The following PPARG variants were observed in gnomAD, a reference collection of about 807,000 sequenced individuals.
PPARG encodes the protein peroxisome proliferator-activated receptor gamma.
PPARG carries 17 observed loss-of-function variants against 39.2 expected under a neutral mutation model. The observed-to-expected ratio is 0.43, with a 90% CI of 0.30 to 0.65. The LOEUF is 0.65. Among genes scored for constraint, PPARG ranks in the 30% least tolerant of loss-of-function variants. PPARG has a pLI of 0.13. For synonymous variants in PPARG, 223 were observed against 215.7 expected (o/e 1.03, Z -0.30); for missense variants, 406 against 585.9 (o/e 0.69, Z 3.17).
At chr3:12,367,334 T>C (rs1383804440) in intron 2 of PPARG, among the ~76,000 whole-genome samples, 1 of 152,204 alleles carries the variant, frequency 6.6e-6, no homozygotes, top group Admixed American at 6.5e-5. Flanking sequence ...AATCAGATTA[T>C]TAGTAATATC....
At chr3:12,364,166 C>T (rs529437808) in intron 2 of PPARG, among the ~76,000 whole-genome samples, 1 of 152,308 alleles carries the variant, frequency 6.6e-6, no homozygotes, top group Admixed American at 6.5e-5. Flanking sequence ...TAGTGTCATA[C>T]AGAATATTTT....
chr3:12,415,686 C>CT (rs1184429211), intron 6 of PPARG, among the ~76,000 whole-genome samples: 1 of 152,100 alleles, frequency 6.6e-6, no homozygotes, highest in Non-Finnish European at 1.5e-5. Flanking sequence ...TTCAAAATTG[C>CT]TTTTTTGCAG....
At chr3:12,431,639 A>G (rs1462751214) in intron 7 of PPARG, among the ~76,000 whole-genome samples, 1 of 152,200 alleles carries the variant, frequency 6.6e-6, no homozygotes, top group African/African-American at 2.4e-5. Context: ...GAGAGAATGC[A>G]CAAATAAAGA....
chr3:12,297,156 G>A (rs555659194), intron 1 of PPARG, among the ~76,000 whole-genome samples: 2 of 152,284 alleles, frequency 1.3e-5, no homozygotes, highest in East Asian at 3.9e-4. Flanking sequence ...ATATCCAACA[G>A]TAGGGAGATG....
At chr3:12,311,023 C>G (rs983220349) in intron 1 of PPARG, among the ~76,000 whole-genome samples, 1 of 152,144 alleles carries the variant, frequency 6.6e-6, no homozygotes, top group African/African-American at 2.4e-5. Context: ...CACACTGACA[C>G]ATTAGCTCTT....
At chr3:12,367,687 A>G (rs2049060854) in intron 2 of PPARG, among the ~76,000 whole-genome samples, 1 of 149,222 alleles carries the variant, frequency 6.7e-6, no homozygotes, top group South Asian at 2.1e-4. Flanking sequence ...TGCCTCTACA[A>G]AAAAAAAAAT....
chr3:12,368,010 T>A (rs1287763671), intron 2 of PPARG, among the ~76,000 whole-genome samples: 2 of 152,040 alleles, frequency 1.3e-5, no homozygotes, highest in African/African-American at 4.8e-5. Flanking sequence ...AAGATACATA[T>A]TGGAATGTTT....
rs147669699 is a variant in PPARG at position 12,330,977 on chromosome 3, C to G, written c.-9+18524C>G. ...AAAGGTCATTAGAAAGCCCACATTT[C>G]ACAATACAAGGACATTTTCCTGGAA... On this transcript the variant is annotated intron_variant, in intron 2 of 7. Coordinates refer to ENST00000651735, the MANE Select transcript of PPARG (RefSeq NM_138711.6). 3.3e-5 allele frequency among the ~76,000 whole-genome samples: 5 copies of G among 152,298 alleles called. No individual in the cohort carries two copies. In the East Asian group the frequency reaches 9.6e-4, roughly 29 times the overall value.
chr3:12,308,833 T>C (rs1260219136), intron 1 of PPARG, among the ~76,000 whole-genome samples: 1 of 152,196 alleles, frequency 6.6e-6, no homozygotes, highest in Non-Finnish European at 1.5e-5. Context: ...CTAATGGATT[T>C]AGCAAGAAGG....
At chr3:12,329,086 G>A (rs541388130) in intron 2 of PPARG, among the ~76,000 whole-genome samples, 6 of 150,696 alleles carry the variant, frequency 4.0e-5, no homozygotes, top group Non-Finnish European at 8.8e-5. Flanking sequence ...TTTGTTGCAA[G>A]CCAGTTGTTA....
intron 2 of PPARG, among the ~76,000 whole-genome samples, chr3:12,378,111 GAAGAT>G: frequency 6.6e-6 from 1 of 152,166 alleles, no homozygotes; most frequent in Non-Finnish European, 1.5e-5. Flanking sequence ...CAAAAACACA[GAAGAT>G]AAGAAGTGTT....
intron 2 of PPARG, among the ~76,000 whole-genome samples, chr3:12,358,380 C>T (rs566483229): frequency 7.9e-5 from 12 of 152,308 alleles, no homozygotes; most frequent in East Asian, 1.9e-4. Flanking sequence ...GTGCCAAACA[C>T]GTCAGTTCTG....
At chr3:12,426,863 G>T (rs1199629493) in intron 7 of PPARG, among the ~76,000 whole-genome samples, 13 of 152,144 alleles carry the variant, frequency 8.5e-5, no homozygotes, top group African/African-American at 2.9e-4. Context: ...CTTGCCCAAG[G>T]TTACCTAGCT....
chr3:12,360,301 A>G (rs1022068433), intron 2 of PPARG, among the ~76,000 whole-genome samples: 5 of 152,140 alleles, frequency 3.3e-5, no homozygotes, highest in African/African-American at 1.2e-4. Context: ...GTGAGCCACC[A>G]TGGCTGGCCT....
chr3:12,322,792 T>TTTTG (rs531754367), intron 2 of PPARG, among the ~76,000 whole-genome samples: 46 of 152,102 alleles, frequency 3.0e-4, no homozygotes, highest in Middle Eastern at 6.8e-3. Flanking sequence ...AGTTGGGTTT[T>TTTTG]TTTGTTTGTT....
chr3:12,399,286 TG>T, intron 5 of PPARG: 1 of 449,604 alleles, frequency 2.2e-6, no homozygotes, highest in Non-Finnish European at 4.5e-6. Flanking sequence ...GTGTGAAAAA[TG>T]GTACCTCTGC....
intron 2 of PPARG, among the ~76,000 whole-genome samples, chr3:12,337,008 A>G (rs1442030552): frequency 6.6e-6 from 1 of 152,218 alleles, no homozygotes; most frequent in Non-Finnish European, 1.5e-5. Context: ...TTATAAATGA[A>G]CTAGAAGGCA....
intron 2 of PPARG, among the ~76,000 whole-genome samples, chr3:12,317,070 C>T (rs2047408840): frequency 6.6e-6 from 1 of 152,134 alleles, no homozygotes; most frequent in Non-Finnish European, 1.5e-5. Flanking sequence ...ACTAATAGGA[C>T]ACAACGATCT....
At chr3:12,407,738 G>A (rs2050724428) in intron 6 of PPARG, among the ~76,000 whole-genome samples, 1 of 152,240 alleles carries the variant, frequency 6.6e-6, no homozygotes, top group South Asian at 2.1e-4. Flanking sequence ...TAGTTCTTCT[G>A]TTTAGCTAAA....
Sources: gnomAD v4.1 joint callset for allele counts (sites outside exome capture counted in the v4.1 genomes callset) on GRCh38, gnomAD v4.1.1 for gene constraint, MANE v1.5 for transcripts, NCBI Gene and HGNC (gene_info 2026-07-23, HGNC 2026-07-21) for gene names.